The following GRK3 variants were observed in gnomAD, a reference collection of about 807,000 sequenced individuals.
The protein encoded by GRK3 is adrenergic, beta, receptor kinase 2.
Under a neutral mutation model 95.7 loss-of-function variants are expected in GRK3, and 54 were observed. The ratio of observed to expected loss-of-function variants is 0.56; its 90% CI spans 0.45 to 0.71. GRK3 has a LOEUF of 0.71. Among genes scored for constraint, GRK3 ranks in the 30% least tolerant of loss-of-function variants. The pLI is 0.00. For missense variants in GRK3, 649 were observed against 851.2 expected (o/e 0.76, Z 2.96); for synonymous variants, 281 against 290.8 (o/e 0.97, Z 0.34).
In GRK3 at chr22:25,604,037, C is replaced by T. The variant is rs549313960; in HGVS notation, c.114-340C>T. On this transcript the variant is annotated intron_variant, in intron 1 of 20. Coordinates refer to ENST00000324198, the MANE Select transcript of GRK3 (RefSeq NM_005160.4). ...GGGGCACAGGCATGTGTGGTGTGTA[C>T]GTGTAGGGTGTGTGCTGTGTGCATG... Among the ~76,000 whole-genome samples, 8 of 152,046 alleles carry T rather than the reference C, an allele frequency of 5.3e-5. No homozygotes were observed. The East Asian group carries it at 1.2e-3, about 22-fold the overall frequency.
intron 1 of GRK3, among the ~76,000 whole-genome samples, chr22:25,600,395 C>T (rs1163123861): frequency 6.6e-6 from 1 of 152,174 alleles, no homozygotes; most frequent in East Asian, 1.9e-4. Context: ...CTGCCTCGGC[C>T]TCCCAAAGTG....
At chr22:25,703,694 C>A in intron 14 of GRK3, 118 bp downstream of exon 14, 1 of 730,766 alleles carries the variant, frequency 1.4e-6, no homozygotes, top group East Asian at 2.9e-5. Flanking sequence ...TATGTATAGA[C>A]ATAATAAAAA....
intron 5 of GRK3, among the ~76,000 whole-genome samples, chr22:25,666,553 G>A (rs772835118): frequency 6.6e-6 from 1 of 152,158 alleles, no homozygotes. Flanking sequence ...AGTTCTGCAA[G>A]TTGGGGTAGA....
intron 2 of GRK3, among the ~76,000 whole-genome samples, chr22:25,627,756 A>T (rs1379170673): frequency 6.6e-6 from 1 of 152,216 alleles, no homozygotes; most frequent in Non-Finnish European, 1.5e-5. Context: ...TTGAACTAGG[A>T]AGAGATGTGT....
At chr22:25,632,781 G>A (rs2084672902) in intron 2 of GRK3, among the ~76,000 whole-genome samples, 1 of 152,118 alleles carries the variant, frequency 6.6e-6, no homozygotes, top group Non-Finnish European at 1.5e-5. Flanking sequence ...CTTGCACCTT[G>A]GTGAAAGATC....
chr22:25,584,061 C>G (rs897022911), intron 1 of GRK3, among the ~76,000 whole-genome samples: 2 of 152,176 alleles, frequency 1.3e-5, no homozygotes, highest in Non-Finnish European at 2.9e-5. Context: ...CTAGAATCAA[C>G]TGGGGGCAGA....
At chr22:25,637,893 A>T (rs2084714245) in intron 2 of GRK3, among the ~76,000 whole-genome samples, 1 of 152,098 alleles carries the variant, frequency 6.6e-6, no homozygotes, top group African/African-American at 2.4e-5. Flanking sequence ...CTGCTGGGAA[A>T]TTCTCCCTTC....
At chr22:25,667,064 A>G (rs1225201789) in intron 5 of GRK3, among the ~76,000 whole-genome samples, 2 of 152,134 alleles carry the variant, frequency 1.3e-5, no homozygotes, top group Admixed American at 6.5e-5. Context: ...CCTTAACCCC[A>G]GTTTAGCCAT....
chr22:25,670,606 A>ACTCCCTTC (rs775598812), intron 6 of GRK3, among the ~76,000 whole-genome samples: 93 of 151,600 alleles, frequency 6.1e-4, no homozygotes, highest in Non-Finnish European at 8.7e-4. Flanking sequence ...ATTACCTATA[A>ACTCCCTTC]CTCCCTTCCT....
chr22:25,687,012 G>T (rs1337180489), intron 10 of GRK3, among the ~76,000 whole-genome samples: 1 of 152,082 alleles, frequency 6.6e-6, no homozygotes, highest in Admixed American at 6.5e-5. Context: ...TAGAGACGGA[G>T]TTTCACCATG....
intron 3 of GRK3, among the ~76,000 whole-genome samples, chr22:25,653,446 A>G (rs750443706): frequency 6.6e-6 from 1 of 152,236 alleles, no homozygotes; most frequent in Non-Finnish European, 1.5e-5. Flanking sequence ...AACAGGGCCA[A>G]TCCAACAAAA....
At chr22:25,565,408 C>T (rs1433909569) in intron 1 of GRK3, among the ~76,000 whole-genome samples, 1 of 152,224 alleles carries the variant, frequency 6.6e-6, no homozygotes, top group Middle Eastern at 3.2e-3. Flanking sequence ...AGCGCCCCAG[C>T]CAGGGTCTGG....
chr22:25,710,790 C>T (rs1163764835), intron 16 of GRK3, among the ~76,000 whole-genome samples: 1 of 152,208 alleles, frequency 6.6e-6, no homozygotes, highest in Non-Finnish European at 1.5e-5. Context: ...GACGGATATG[C>T]AGTCCTGAGA....
At chr22:25,702,781 T>C in intron 13 of GRK3, 2 of 456,028 alleles carry the variant, frequency 4.4e-6, no homozygotes, top group South Asian at 3.1e-5. Flanking sequence ...TGCATAGATG[T>C]CACTTTAGTT....
Position 25,725,806 on chromosome 22 carries a change from G to C in GRK3, c.*3356G>C, listed in dbSNP as rs1054052160. 4.1e-5 allele frequency: 15 copies of C among 369,060 alleles called. No individual in the cohort carries two copies. The highest frequency in any genetic ancestry group is 7.2e-5 in the Non-Finnish European group (15 of 208,042). The allele number at this position is 369,060 out of a possible 1,614,324, so 22.9% of individuals were successfully genotyped here. A position where few individuals can be genotyped will look rare whatever the true frequency, so the allele number is the denominator to read the frequency against. The stretch of plus-strand genomic sequence containing the variant: ...CTAAAAATACAAATAAAAATTAGCC[G>C]GGCGTGGTGGCGGGCGCCTGTAGTC... On this transcript the variant is annotated 3_prime_UTR_variant, in exon 21 of 21. Coordinates refer to ENST00000324198, the MANE Select transcript of GRK3 (RefSeq NM_005160.4).
At chr22:25,655,629 G>A (rs893102062) in intron 3 of GRK3, among the ~76,000 whole-genome samples, 1 of 152,068 alleles carries the variant, frequency 6.6e-6, no homozygotes, top group Admixed American at 6.5e-5. Flanking sequence ...TGACTCATCA[G>A]CAGAAGACCT....
At chr22:25,592,912 A>ATTTGGT (rs201829144) in intron 1 of GRK3, among the ~76,000 whole-genome samples, 3,417 of 152,144 alleles carry the variant, frequency 0.022, 48 homozygotes, top group Middle Eastern at 0.068. Flanking sequence ...AACATGTGGT[A>ATTTGGT]TTTGGTTTTC....
intron 1 of GRK3, among the ~76,000 whole-genome samples, chr22:25,588,287 G>A (rs976857590): frequency 1.3e-5 from 2 of 152,098 alleles, no homozygotes; most frequent in Non-Finnish European, 1.5e-5. Flanking sequence ...TAGTTATATT[G>A]CAAAGAAAAA....
chr22:25,595,870 T>C (rs1456046580), intron 1 of GRK3, among the ~76,000 whole-genome samples: 1 of 152,084 alleles, frequency 6.6e-6, no homozygotes, highest in African/African-American at 2.4e-5. Flanking sequence ...TGGCTTGAGC[T>C]CAGGAGTTTG....
Sources: gnomAD v4.1 joint callset for allele counts (sites outside exome capture counted in the v4.1 genomes callset) on GRCh38, gnomAD v4.1.1 for gene constraint, MANE v1.5 for transcripts, NCBI Gene and HGNC (gene_info 2026-07-23, HGNC 2026-07-21) for gene names.